KNOP1: variants seen among roughly 807,000 people sequenced by gnomAD.
KNOP1 encodes the protein lysine rich nucleolar protein 1, also known as lysine-rich nucleolar protein 1.
A neutral mutation model predicts 30.6 loss-of-function variants in KNOP1; 20 were observed. That is an observed-to-expected ratio of 0.65 (90% CI 0.46 to 0.95). The LOEUF is 0.95. Ranked by LOEUF, KNOP1 falls within the 40% of genes least tolerant of loss-of-function variation. The probability of loss-of-function intolerance (pLI) is 0.00; values close to 1 mark genes in which losing one functional copy is unlikely to be tolerated. For missense variants in KNOP1, 540 were observed against 562.0 expected (o/e 0.96, Z 0.40); for synonymous variants, 204 against 210.0 (o/e 0.97, Z 0.25).
chr16:19,707,748 C>G (rs767886876), intron 4 of KNOP1, among the ~76,000 whole-genome samples: 9 of 132,200 alleles, frequency 6.8e-5, no homozygotes, highest in African/African-American at 2.9e-5. Flanking sequence ...GCACTCCCCC[C>G]ACCTCCCTAC....
chr16:19,712,346 C>A lies in KNOP1; in HGVS notation c.919-906G>T, dbSNP rs77837456. Among the ~76,000 whole-genome samples, 51 of 152,342 alleles carry A rather than the reference C, an allele frequency of 3.3e-4. No individual in the cohort carries two copies. The East Asian group carries it at 7.1e-3, about 21-fold the overall frequency. ...AGGCCACCCCTCCACTCCCCTCCCC[C>A]TCTAACCGAGCAATGGGTGGTCCAA... On this transcript the variant is annotated intron_variant, in intron 2 of 4. Coordinates refer to ENST00000219837, the MANE Select transcript of KNOP1 (RefSeq NM_001012991.3).
At chr16:19,710,874 G>C (rs187441855) in intron 3 of KNOP1, among the ~76,000 whole-genome samples, 16 of 145,002 alleles carry the variant, frequency 1.1e-4, no homozygotes, top group Admixed American at 1.0e-3. Flanking sequence ...ATCACGCCAC[G>C]GCACTCCAGC....
chr16:19,710,610 A>C, intron 3 of KNOP1, 24 bp from the exon 4 acceptor site: 1 of 1,594,608 alleles, frequency 6.3e-7, no homozygotes, highest in African/African-American at 1.3e-5. Flanking sequence ...ATGACAGAAG[A>C]GGGCCGTCAG....
Position 19,705,058 on chromosome 16 carries a change from G to C in KNOP1, c.*1852C>G. 1 of 416,008 alleles carries C rather than the reference G, an allele frequency of 2.4e-6. No homozygotes were observed. Among genetic ancestry groups the C allele is most frequent in the African/African-American group, 2.0e-5 (1 of 49,002 alleles). 25.8% of individuals were successfully genotyped at this position (416,008 alleles called of 1,614,324 possible). A position where few individuals can be genotyped will look rare whatever the true frequency, so the allele number is the denominator to read the frequency against. On this transcript the variant is annotated 3_prime_UTR_variant, in exon 5 of 5. Coordinates refer to ENST00000219837, the MANE Select transcript of KNOP1 (RefSeq NM_001012991.3). ...AGATGACTCATTGCCCAGCAATGGA[G>C]GCTTCTGGAAGTTTCCTTGAGACAC...
intron 2 of KNOP1, 28 bp from the exon 3 acceptor site, chr16:19,711,468 G>T: frequency 1.2e-6 from 2 of 1,611,454 alleles, no homozygotes; most frequent in Non-Finnish European, 1.7e-6. Flanking sequence ...GCTGGCTAAG[G>T]TTCAAGTTTA....
In KNOP1 at chr16:19,707,228, G is replaced by C. The variant is rs1019662165; in HGVS notation, c.1066-7C>G. The C allele has an allele frequency of 1.6e-5, 26 of 1,606,880 alleles. No individual in the cohort carries two copies. Among genetic ancestry groups the C allele is most frequent in the Non-Finnish European group, 2.1e-5 (25 of 1,178,732 alleles). On this transcript the variant is annotated splice_region_variant and splice_polypyrimidine_tract_variant and intron_variant, in intron 4 of 4. Coordinates refer to ENST00000219837, the MANE Select transcript of KNOP1 (RefSeq NM_001012991.3). Reference sequence around the variant, plus strand: ...ACTGGCCAAACTGGGTTCCCTGTGAGGAGAGGAAAAAGGTGGCTATTTTCC... The same window carrying C: ...ACTGGCCAAACTGGGTTCCCTGTGACGAGAGGAAAAAGGTGGCTATTTTCC...
chr16:19,717,730 C>T (rs923938032), intron 1 of KNOP1: 1 of 987,536 alleles, frequency 1.0e-6, no homozygotes, highest in Non-Finnish European at 1.2e-6. Context: ...AATACCCGAC[C>T]TCGCAAGCTC....
Position 19,705,564 on chromosome 16 carries a change from G to T in KNOP1, c.*1346C>A, listed in dbSNP as rs1219342392. On this transcript the variant is annotated 3_prime_UTR_variant, in exon 5 of 5. Coordinates refer to ENST00000219837, the MANE Select transcript of KNOP1 (RefSeq NM_001012991.3). ...ATATCCACCTACAGAAGTCACCTGG[G>T]ATTCTCTTCCTTGTGATAAAAAAGA... 68 of 280,158 alleles carry T rather than the reference G, an allele frequency of 2.4e-4. No individual in the cohort carries two copies. The highest frequency in any genetic ancestry group is 2.8e-5 in the Non-Finnish European group (4 of 142,228). The allele number at this position is 280,158 out of a possible 1,614,324, so 17.4% of individuals were successfully genotyped here.
At chr16:19,707,302 G>T in intron 4 of KNOP1, 81 bp from the exon 5 acceptor site, 1 of 1,153,540 alleles carries the variant, frequency 8.7e-7, no homozygotes, top group South Asian at 1.3e-5. Flanking sequence ...TCATCAGGGA[G>T]GGCCCAGCAG....
At chr16:19,709,226 C>A (rs537834102) in intron 4 of KNOP1, among the ~76,000 whole-genome samples, 1 of 152,186 alleles carries the variant, frequency 6.6e-6, no homozygotes, top group South Asian at 2.1e-4. Context: ...AGTCCCACCA[C>A]TAGACAGTGG....
chr16:19,708,190 G>A (rs914322034), intron 4 of KNOP1, among the ~76,000 whole-genome samples: 2 of 151,480 alleles, frequency 1.3e-5, no homozygotes, highest in East Asian at 2.0e-4. Flanking sequence ...TGGCGGGAAC[G>A]GGTGCGGGCC....
chr16:19,704,599 A>G lies in KNOP1; in HGVS notation c.*2311T>C, dbSNP rs938934718. ...GTGAGACTCCATCTCAAAAAAAAAG[A>G]AACGAACGGCTGGTTCCTGTTTACA... On this transcript the variant is annotated 3_prime_UTR_variant, in exon 5 of 5. Coordinates refer to ENST00000219837, the MANE Select transcript of KNOP1 (RefSeq NM_001012991.3). 2.0e-5 allele frequency: 3 copies of G among 152,242 alleles called. No homozygotes were observed. Among genetic ancestry groups the G allele is most frequent in the African/African-American group, 7.2e-5 (3 of 41,456 alleles). 9.4% of individuals were successfully genotyped at this position (152,242 alleles called of 1,614,324 possible). A position where few individuals can be genotyped will look rare whatever the true frequency, so the allele number is the denominator to read the frequency against.
chr16:19,705,083 CAAA>C lies in KNOP1; in HGVS notation c.*1824_*1826del, dbSNP rs34691447. On this transcript the variant is annotated 3_prime_UTR_variant, in exon 5 of 5. Coordinates refer to ENST00000219837, the MANE Select transcript of KNOP1 (RefSeq NM_001012991.3). The stretch of plus-strand genomic sequence containing the variant: ...GGCTTCTGGAAGTTTCCTTGAGACA[CAAA>C]AAGGCTTTTCTTCCTCTGGAATGTT... The C allele has an allele frequency of 2.3e-6, 1 of 441,548 alleles. No homozygotes were observed. The highest frequency in any genetic ancestry group is 2.4e-5 in the Admixed American group (1 of 41,320). 27.4% of individuals were successfully genotyped at this position (441,548 alleles called of 1,614,324 possible). A position where few individuals can be genotyped will look rare whatever the true frequency, so the allele number is the denominator to read the frequency against.
In KNOP1 at chr16:19,705,485, C is replaced by T. The variant is rs149927136; in HGVS notation, c.*1425G>A. The T allele has an allele frequency of 2.0e-4, 62 of 313,684 alleles. No individual in the cohort carries two copies. Among genetic ancestry groups the T allele is most frequent in the South Asian group, 1.0e-3 (38 of 37,236 alleles). The allele number at this position is 313,684 out of a possible 1,614,324, so 19.4% of individuals were successfully genotyped here. ...GGCTTGGAAACGCTGTCCCCACAGC[C>T]GATGAGGCAACTTCCCGTGTCATCT... On this transcript the variant is annotated 3_prime_UTR_variant, in exon 5 of 5. Coordinates refer to ENST00000219837, the MANE Select transcript of KNOP1 (RefSeq NM_001012991.3).
In KNOP1 at chr16:19,704,969, C is replaced by A. The variant is rs1342230306; in HGVS notation, c.*1941G>T. 2.9e-6 allele frequency: 1 copy of A among 347,724 alleles called. No homozygotes were observed. Among genetic ancestry groups the A allele is most frequent in the Non-Finnish European group, 5.7e-6 (1 of 175,776 alleles). 21.5% of individuals were successfully genotyped at this position (347,724 alleles called of 1,614,324 possible). A position where few individuals can be genotyped will look rare whatever the true frequency, so the allele number is the denominator to read the frequency against. ...GACACCATGGCCACTTCACCAGCAT[C>A]CACTCTTCTTGACTGAAGGGAATCA... On this transcript the variant is annotated 3_prime_UTR_variant, in exon 5 of 5. Coordinates refer to ENST00000219837, the MANE Select transcript of KNOP1 (RefSeq NM_001012991.3).
chr16:19,704,951 T>G lies in KNOP1; in HGVS notation c.*1959A>C, dbSNP rs541147629. 3 of 341,596 alleles carry G rather than the reference T, an allele frequency of 8.8e-6. No individual in the cohort carries two copies. The highest frequency in any genetic ancestry group is 1.7e-5 in the Non-Finnish European group (3 of 173,336). The allele number at this position is 341,596 out of a possible 1,614,324, so 21.2% of individuals were successfully genotyped here. On this transcript the variant is annotated 3_prime_UTR_variant, in exon 5 of 5. Coordinates refer to ENST00000219837, the MANE Select transcript of KNOP1 (RefSeq NM_001012991.3). ...GCCCAATGGGCAGCTGTGGACACCA[T>G]GGCCACTTCACCAGCATCCACTCTT...
Position 19,705,248 on chromosome 16 carries a change from C to A in KNOP1, c.*1662G>T, listed in dbSNP as rs778259511. The stretch of plus-strand genomic sequence containing the variant: ...AGGCCCTAATCAGGCCTTCCTGCCA[C>A]GTGAGACTGAACTTTCTGGCCATCG... On this transcript the variant is annotated 3_prime_UTR_variant, in exon 5 of 5. Transcript: ENST00000219837. 2.2e-6 allele frequency: 1 copy of A among 456,064 alleles called. No individual in the cohort carries two copies. The highest frequency in any genetic ancestry group is 4.4e-6 in the Non-Finnish European group (1 of 226,806). 28.3% of individuals were successfully genotyped at this position (456,064 alleles called of 1,614,324 possible).
rs563581894 is a variant in KNOP1 at position 19,705,389 on chromosome 16, G to A, written c.*1521C>T. 1.3e-5 allele frequency: 5 copies of A among 398,572 alleles called. No homozygotes were observed. The East Asian group carries it at 3.6e-4, about 29-fold the overall frequency. The allele number at this position is 398,572 out of a possible 1,614,324, so 24.7% of individuals were successfully genotyped here. ...AAAAAGCTAGGTGAGTGGAAAGAAGGTGGTCACAGATGGTCACATGCGACT... is the reference window on the plus strand; with the variant it reads ...AAAAAGCTAGGTGAGTGGAAAGAAGATGGTCACAGATGGTCACATGCGACT... On this transcript the variant is annotated 3_prime_UTR_variant, in exon 5 of 5. Transcript: ENST00000219837.
Position 19,706,791 on chromosome 16 carries a change from C to T in KNOP1, c.*119G>A. ...CTAAGCTTATGGGAGTTATTTATATCTTACTGCTCGAGGTCCTCACCAAGA... is the reference window on the plus strand; with the variant it reads ...CTAAGCTTATGGGAGTTATTTATATTTTACTGCTCGAGGTCCTCACCAAGA... On this transcript the variant is annotated 3_prime_UTR_variant, in exon 5 of 5. Transcript: ENST00000219837. The T allele has an allele frequency of 2.0e-6, 2 of 1,016,868 alleles. No individual in the cohort carries two copies. The highest frequency in any genetic ancestry group is 2.9e-5 in the South Asian group (2 of 67,980). 63.0% of individuals were successfully genotyped at this position (1,016,868 alleles called of 1,614,324 possible).
Sources: gnomAD v4.1 joint callset for allele counts (sites outside exome capture counted in the v4.1 genomes callset) on GRCh38, gnomAD v4.1.1 for gene constraint, MANE v1.5 for transcripts, NCBI Gene and HGNC (gene_info 2026-07-23, HGNC 2026-07-21) for gene names.